The following ADAMTSL3 variants were observed in gnomAD, a reference collection of about 807,000 sequenced individuals.
ADAMTSL3 encodes ADAMTS-like protein 3.
In ADAMTSL3, 128 loss-of-function variants were observed where a neutral mutation model predicts 201.7. The ratio of observed to expected loss-of-function variants is 0.63; its 90% confidence interval spans 0.55 to 0.73. The LOEUF (loss-of-function observed/expected upper bound fraction) is 0.73, where lower values mean the gene tolerates loss of function less well. ADAMTSL3 is among the 30% of genes least tolerant of loss of function. ADAMTSL3 has a pLI of 0.00. For synonymous variants in ADAMTSL3, 738 were observed against 748.4 expected (o/e 0.99, Z 0.23); for missense variants, 1,990 against 2,119.6 (o/e 0.94, Z 1.20).
At chr15:83,975,489 C>T (rs757451657) in intron 20 of ADAMTSL3, among the ~76,000 whole-genome samples, 4 of 152,032 alleles carry the variant, frequency 2.6e-5, no homozygotes, top group South Asian at 2.1e-4. Flanking sequence ...CACCAGCACC[C>T]TCTTGGGCTG....
chr15:83,816,823 T>A (rs542668843), intron 5 of ADAMTSL3, among the ~76,000 whole-genome samples: 1 of 152,202 alleles, frequency 6.6e-6, no homozygotes, highest in South Asian at 2.1e-4. Flanking sequence ...GTGGGCAACA[T>A]GGCAAAACTG....
chr15:83,899,448 T>C (rs1474293432), intron 14 of ADAMTSL3, among the ~76,000 whole-genome samples, 199 bp from the exon 15 acceptor site: 6 of 152,202 alleles, frequency 3.9e-5, no homozygotes, highest in Non-Finnish European at 8.8e-5. Context: ...ATTTTAATAA[T>C]GTATTAATTT....
chr15:83,737,391 C>T (rs1567109896), intron 3 of ADAMTSL3, among the ~76,000 whole-genome samples: 1 of 152,124 alleles, frequency 6.6e-6, no homozygotes, highest in Non-Finnish European at 1.5e-5. Flanking sequence ...GTGATTGGAT[C>T]GGGGGCAGTT....
At chr15:83,706,138 T>C (rs561805573) in intron 3 of ADAMTSL3, among the ~76,000 whole-genome samples, 1 of 152,246 alleles carries the variant, frequency 6.6e-6, no homozygotes, top group South Asian at 2.1e-4. Context: ...CAGGTTTTCA[T>C]ATGAGAACTT....
At chr15:83,752,129 T>C (rs186875001) in intron 3 of ADAMTSL3, among the ~76,000 whole-genome samples, 2 of 152,288 alleles carry the variant, frequency 1.3e-5, no homozygotes, top group Admixed American at 1.3e-4. Flanking sequence ...AAGAGCAAAA[T>C]TGGCTTTGTG....
At chr15:83,723,647 T>C (rs1482384845) in intron 3 of ADAMTSL3, among the ~76,000 whole-genome samples, 1 of 152,178 alleles carries the variant, frequency 6.6e-6, no homozygotes, top group East Asian at 1.9e-4. Flanking sequence ...CAGGAAATGC[T>C]AACATGATAT....
At chr15:83,694,121 C>G (rs145218813) in intron 2 of ADAMTSL3, among the ~76,000 whole-genome samples, 1 of 152,192 alleles carries the variant, frequency 6.6e-6, no homozygotes, top group African/African-American at 2.4e-5. Flanking sequence ...TTCTTCAACA[C>G]GGAATTCCTG....
intron 5 of ADAMTSL3, among the ~76,000 whole-genome samples, chr15:83,814,941 C>A (rs888524313): frequency 6.6e-6 from 1 of 152,104 alleles, no homozygotes; most frequent in African/African-American, 2.4e-5. Context: ...CATAAGTTGC[C>A]CCCAGGTTTT....
At chr15:83,748,422 A>G (rs1027808842) in intron 3 of ADAMTSL3, among the ~76,000 whole-genome samples, 1 of 152,056 alleles carries the variant, frequency 6.6e-6, no homozygotes. Flanking sequence ...CCAAGGTGGG[A>G]GGATTCCTTG....
At chr15:83,782,151 C>T (rs1296427714) in intron 4 of ADAMTSL3, among the ~76,000 whole-genome samples, 3 of 152,102 alleles carry the variant, frequency 2.0e-5, no homozygotes, top group Non-Finnish European at 2.9e-5. Flanking sequence ...TTCACAATAG[C>T]AAAGACATGG....
At chr15:83,860,872 G>C (rs996583260) in intron 8 of ADAMTSL3, among the ~76,000 whole-genome samples, 1 of 152,174 alleles carries the variant, frequency 6.6e-6, no homozygotes, top group Admixed American at 6.5e-5. Flanking sequence ...GCAAGGCATC[G>C]CGTCACCCGG....
chr15:83,932,365 A>G (rs1393800564), intron 17 of ADAMTSL3, among the ~76,000 whole-genome samples: 2 of 152,222 alleles, frequency 1.3e-5, no homozygotes, highest in Non-Finnish European at 2.9e-5. Context: ...AAACAAGCTG[A>G]AGCATTGCCT....
intron 6 of ADAMTSL3, 134 bp downstream of exon 6, chr15:83,820,181 A>G (rs975894016): frequency 1.2e-5 from 8 of 691,340 alleles, no homozygotes; most frequent in South Asian, 1.8e-5. Flanking sequence ...GGTGGCTTAC[A>G]CCTATAATCC....
rs1567225995 is a variant in ADAMTSL3 at position 83,903,926 on chromosome 15, A to G, written c.1700+4195A>G. ...GTGCCAGACTCCACATCAAAAAAAAAAAAAAAAAAAAAAAAAAAGAAAAAA... is the reference window on the plus strand; with the variant it reads ...GTGCCAGACTCCACATCAAAAAAAAGAAAAAAAAAAAAAAAAAAGAAAAAA... On this transcript the variant is annotated intron_variant, in intron 15 of 29. Transcript: ENST00000286744. Among the ~76,000 whole-genome samples, 206 of 31,708 alleles carry G rather than the reference A, an allele frequency of 6.5e-3. 12 individuals are homozygous for G. Among genetic ancestry groups the G allele is most frequent in the East Asian group, 0.025 (19 of 750 alleles). The allele number at this position is 31,708 out of a possible 152,430, so 20.8% of individuals were successfully genotyped here.
chr15:84,036,792 T>C lies in ADAMTSL3; in HGVS notation c.4774T>C (p.Cys1592Arg). 1 of 1,610,566 alleles carries C rather than the reference T, an allele frequency of 6.2e-7. No individual in the cohort carries two copies. The highest frequency in any genetic ancestry group is 8.5e-7 in the Non-Finnish European group (1 of 1,177,640). ...DRKRPTLRRN[C>R]TSGACDVCWH... ...CTTCAGACCCACCTTAAGAAGGAAC[T>C]GCACATCAGGGGCCTGTGATGTGTG... is the stretch of plus-strand genomic sequence containing the variant. Residue 1592 changes from cysteine to arginine, a missense_variant, in exon 29 of 30, where the codon TGC becomes CGC. Coordinates refer to ENST00000286744, the MANE Select transcript of ADAMTSL3 (RefSeq NM_207517.3).
intron 2 of ADAMTSL3, among the ~76,000 whole-genome samples, chr15:83,658,391 G>A (rs2061120554): frequency 6.6e-6 from 1 of 152,212 alleles, no homozygotes; most frequent in Non-Finnish European, 1.5e-5. Flanking sequence ...TTACAGATGT[G>A]AGCCACTGCG....
At chr15:83,678,071 C>T (rs2061430243) in intron 2 of ADAMTSL3, among the ~76,000 whole-genome samples, 2 of 152,022 alleles carry the variant, frequency 1.3e-5, no homozygotes, top group Non-Finnish European at 2.9e-5. Context: ...TTTAGGTCCC[C>T]TTATTCTTTA....
At chr15:83,867,569 G>C (rs749842922) in intron 8 of ADAMTSL3, among the ~76,000 whole-genome samples, 3 of 152,206 alleles carry the variant, frequency 2.0e-5, no homozygotes, top group Admixed American at 2.0e-4. Flanking sequence ...ACCATATATA[G>C]AGATGTATAA....
intron 4 of ADAMTSL3, among the ~76,000 whole-genome samples, chr15:83,781,479 T>G (rs2063166860): frequency 6.6e-6 from 1 of 152,194 alleles, no homozygotes; most frequent in Non-Finnish European, 1.5e-5. Flanking sequence ...GATTAAATAC[T>G]TAAATGTAAA....
Sources: allele counts gnomAD v4.1 joint callset (sites outside exome capture counted in the v4.1 genomes callset), GRCh38; gene constraint gnomAD v4.1.1; transcripts MANE v1.5; gene names NCBI Gene and HGNC (gene_info 2026-07-23, HGNC 2026-07-21).